Variants in PRKG1 observed in about 807,000 individuals in gnomAD.
PRKG1 encodes the protein protein kinase cGMP-dependent 1.
PRKG1 carries 35 observed loss-of-function variants against 88.1 expected under a neutral mutation model. The observed-to-expected ratio is 0.40, with a 90% CI of 0.30 to 0.53. The LOEUF (loss-of-function observed/expected upper bound fraction) is 0.53, where lower values mean the gene tolerates loss of function less well. Ranked by LOEUF, PRKG1 falls within the 20% of genes least tolerant of loss-of-function variation. The pLI is 0.59. For synonymous variants in PRKG1, 303 were observed against 292.5 expected, an observed-to-expected ratio of 1.04 and a Z score of -0.37; for missense variants, 540 against 839.8, an observed-to-expected ratio of 0.64 and a Z score of 4.41.
chr10:52,083,339 T>C lies in PRKG1; in HGVS notation c.935+20708T>C, dbSNP rs116224352. 8.9e-3 allele frequency among the ~76,000 whole-genome samples: 1,361 copies of C among 152,224 alleles called. 23 individuals are homozygous for C. The highest frequency in any genetic ancestry group is 0.03 in the African/African-American group (1,248 of 41,552). ...GTAGTTAATATTTGGTAACCACTAA[T>C]ATAATTATCTTGATAATATATTTAC... is the stretch of plus-strand genomic sequence containing the variant. On this transcript the variant is annotated intron_variant, in intron 7 of 17. Transcript: ENST00000373980.
intron 1 of PRKG1, among the ~76,000 whole-genome samples, chr10:51,145,201 G>A (rs1033506891): frequency 6.6e-6 from 1 of 152,160 alleles, no homozygotes; most frequent in African/African-American, 2.4e-5. Context: ...GTTGCCCAGG[G>A]TGGTGAGGAA....
At position 51,395,892 on chromosome 10, in the gene PRKG1, A is replaced by G. The variant is rs1588913002; in HGVS notation, c.479-71831A>G. ...TAGTGGGGAGAAACATTTCTGCCCT[A>G]GAAAGATTTCCTGTCTATTCTACCA... On this transcript the variant is annotated intron_variant, in intron 2 of 17. Transcript: ENST00000373980. Among the ~76,000 whole-genome samples the G allele has an allele frequency of 2.6e-5, 4 of 152,208 alleles. No homozygotes were observed. The South Asian group carries it at 6.2e-4, about 24-fold the overall frequency.
At chr10:52,061,027 A>G (rs1589568512) in intron 6 of PRKG1, among the ~76,000 whole-genome samples, 1 of 152,140 alleles carries the variant, frequency 6.6e-6, no homozygotes, top group South Asian at 2.1e-4. Flanking sequence ...GAAAACCTCA[A>G]GAATAAGGGC....
intron 17 of PRKG1, among the ~76,000 whole-genome samples, chr10:52,292,206 G>A (rs1842266455): frequency 6.6e-6 from 1 of 150,586 alleles, no homozygotes; most frequent in Non-Finnish European, 1.5e-5. Flanking sequence ...CTCCCATTTT[G>A]TAGGTTGCCT....
chr10:51,615,931 TG>T, intron 3 of PRKG1, among the ~76,000 whole-genome samples: 1 of 152,182 alleles, frequency 6.6e-6, no homozygotes, highest in East Asian at 1.9e-4. Flanking sequence ...GCACATCTGA[TG>T]TAATAGTCAC....
intron 2 of PRKG1, among the ~76,000 whole-genome samples, chr10:51,400,193 A>AT (rs1837698684): frequency 6.6e-6 from 1 of 152,220 alleles, no homozygotes; most frequent in East Asian, 1.9e-4. Flanking sequence ...CAGACAACGT[A>AT]TTTTCTCTTA....
Position 51,911,981 on chromosome 10 carries a change from C to T in PRKG1, c.762+4411C>T, listed in dbSNP as rs191409445. The stretch of plus-strand genomic sequence containing the variant: ...TTCAGGGCCTGGAGATTCAGGACTG[C>T]GCTCTCTCATAGCATGTGTTTCAGT... On this transcript the variant is annotated intron_variant, in intron 5 of 17. Transcript: ENST00000373980. Among the ~76,000 whole-genome samples the T allele has an allele frequency of 1.4e-3, 213 of 152,280 alleles. 1 individual carries two copies. The highest frequency in any genetic ancestry group is 4.8e-3 in the African/African-American group (200 of 41,554).
At chr10:51,447,552 C>T (rs141682944) in intron 2 of PRKG1, among the ~76,000 whole-genome samples, 223 of 152,186 alleles carry the variant, frequency 1.5e-3, no homozygotes, top group South Asian at 2.1e-3. Context: ...CCCACTGCTA[C>T]ATTGCATCCT....
At chr10:51,574,114 G>T (rs927723931) in intron 3 of PRKG1, among the ~76,000 whole-genome samples, 3 of 151,940 alleles carry the variant, frequency 2.0e-5, no homozygotes, top group Non-Finnish European at 4.4e-5. Flanking sequence ...CATTGGAAGA[G>T]AAAGCATCTG....
chr10:51,889,339 T>C (rs1225426679), intron 4 of PRKG1, among the ~76,000 whole-genome samples: 1 of 151,794 alleles, frequency 6.6e-6, no homozygotes, highest in Non-Finnish European at 1.5e-5. Context: ...GATAGTTTGC[T>C]GAGAATGATG....
At chr10:51,099,950 C>A (rs1844638071) in intron 1 of PRKG1, among the ~76,000 whole-genome samples, 1 of 152,136 alleles carries the variant, frequency 6.6e-6, no homozygotes, top group African/African-American at 2.4e-5. Flanking sequence ...GGCTGGCGTG[C>A]AGTGGCACAA....
At chr10:51,173,675 C>T (rs1240959664) in intron 2 of PRKG1, among the ~76,000 whole-genome samples, 1 of 151,854 alleles carries the variant, frequency 6.6e-6, no homozygotes, top group Non-Finnish European at 1.5e-5. Context: ...AAACTTTTAT[C>T]ATGCATGACA....
chr10:51,331,252 C>A (rs1048708066), intron 2 of PRKG1, among the ~76,000 whole-genome samples: 2 of 151,996 alleles, frequency 1.3e-5, no homozygotes, highest in Admixed American at 1.3e-4. Flanking sequence ...GAGGCCACTG[C>A]GGCCAGGACT....
At chr10:51,699,617 C>G (rs1340114119) in intron 3 of PRKG1, 1 of 1,519,958 alleles carries the variant, frequency 6.6e-7, no homozygotes, top group East Asian at 2.3e-5. Flanking sequence ...ACCGACACTT[C>G]CGCTGAGCAA....
intron 2 of PRKG1, among the ~76,000 whole-genome samples, chr10:51,256,360 T>C (rs1212034822): frequency 6.6e-6 from 1 of 152,146 alleles, no homozygotes; most frequent in East Asian, 1.9e-4. Flanking sequence ...TTCCCAAAGC[T>C]ATAAAACTTG....
chr10:52,016,882 G>A (rs754823990), intron 5 of PRKG1, among the ~76,000 whole-genome samples: 2 of 152,006 alleles, frequency 1.3e-5, no homozygotes, highest in Non-Finnish European at 2.9e-5. Flanking sequence ...AAGAAGGAAA[G>A]GGAGGAGGGT....
intron 1 of PRKG1, among the ~76,000 whole-genome samples, chr10:51,143,865 G>A (rs539407599): frequency 7.9e-5 from 12 of 151,724 alleles, no homozygotes; most frequent in African/African-American, 2.7e-4. Context: ...TATTTATTTT[G>A]GGTATTAAAC....
chr10:52,141,579 C>T (rs1381700686), intron 8 of PRKG1, among the ~76,000 whole-genome samples: 1 of 152,066 alleles, frequency 6.6e-6, no homozygotes, highest in Non-Finnish European at 1.5e-5. Flanking sequence ...ATGCTTATTT[C>T]CATCTCTGTT....
intron 4 of PRKG1, among the ~76,000 whole-genome samples, chr10:51,813,512 A>C (rs1839508841): frequency 6.6e-6 from 1 of 152,222 alleles, no homozygotes. Flanking sequence ...AGATGTATTA[A>C]CTTATTCTCA....
Sources: gnomAD v4.1 joint callset for allele counts (sites outside exome capture counted in the v4.1 genomes callset) on GRCh38, gnomAD v4.1.1 for gene constraint, MANE v1.5 for transcripts, NCBI Gene and HGNC (gene_info 2026-07-23, HGNC 2026-07-21) for gene names.